Variants in LRRC2 observed in about 807,000 individuals in gnomAD.
The protein encoded by LRRC2 is leucine-rich repeat-containing protein 2.
A neutral mutation model predicts 40.2 loss-of-function variants in LRRC2; 27 were observed. The ratio of observed to expected loss-of-function variants is 0.67; its 90% confidence interval spans 0.49 to 0.93. The LOEUF (loss-of-function observed/expected upper bound fraction) is 0.93, where lower values mean the gene tolerates loss of function less well. LRRC2 is among the 40% of genes least tolerant of loss of function. LRRC2 has a pLI of 0.00. For missense variants in LRRC2, 402 were observed against 439.6 expected, an observed-to-expected ratio of 0.91 and a Z score of 0.76; for synonymous variants, 147 against 158.9, an observed-to-expected ratio of 0.92 and a Z score of 0.56.
chr3:46,564,127 G>A (rs1036442138), intron 1 of LRRC2, among the ~76,000 whole-genome samples: 9 of 152,054 alleles, frequency 5.9e-5, no homozygotes, highest in Admixed American at 3.3e-4. Context: ...AGCACAGCAC[G>A]TTCATTAGAC....
intron 7 of LRRC2, among the ~76,000 whole-genome samples, chr3:46,525,352 G>A (rs1704041026): frequency 6.6e-6 from 1 of 151,878 alleles, no homozygotes; most frequent in African/African-American, 2.4e-5. Context: ...CTGGGCTCAA[G>A]CAATCCTCCT....
At chr3:46,543,642 AT>A (rs1457950786) in intron 3 of LRRC2, among the ~76,000 whole-genome samples, 1,603 of 96,074 alleles carry the variant, frequency 0.017, 15 homozygotes, top group Middle Eastern at 0.06. Flanking sequence ...AATAATAATA[AT>A]AATAATAAAT....
chr3:46,565,904 A>T (rs1034068483), intron 1 of LRRC2, among the ~76,000 whole-genome samples: 1 of 151,934 alleles, frequency 6.6e-6, no homozygotes, highest in East Asian at 1.9e-4. Context: ...AGCAAGATTC[A>T]CTCGCGGGGA....
chr3:46,519,135 A>G, intron 8 of LRRC2, 72 bp from the exon 9 acceptor site: 1 of 1,011,360 alleles, frequency 9.9e-7, no homozygotes, highest in South Asian at 1.3e-5. Context: ...GTGCTATGAC[A>G]TACATAATGA....
chr3:46,521,792 A>C (rs1703968783), intron 7 of LRRC2, 134 bp from the exon 8 acceptor site: 1 of 765,940 alleles, frequency 1.3e-6, no homozygotes, highest in East Asian at 2.6e-5. Context: ...ACATGATATC[A>C]GCATCACCAG....
intron 5 of LRRC2, among the ~76,000 whole-genome samples, chr3:46,531,300 G>A (rs1704157122): frequency 6.6e-6 from 1 of 152,060 alleles, no homozygotes; most frequent in South Asian, 2.1e-4. Flanking sequence ...ATTGGGGGTA[G>A]TGGGTGGGGG....
rs190176548 is a variant in LRRC2, at chr3:46,521,486, A to G, written c.1066+36T>C. On this transcript the variant is annotated intron_variant, in intron 8 of 8. Transcript: ENST00000395905. ...GTATTACATAAGTGGACGTCTGTAC[A>G]CTAATTTTAAATAATTTTAAATATG... 4.5e-4 allele frequency: 674 copies of G among 1,485,666 alleles called. 3 individuals are homozygous for G. The African/African-American group carries it at 8.6e-3, about 19-fold the overall frequency. 92.0% of individuals were successfully genotyped at this position (1,485,666 alleles called of 1,614,324 possible).
chr3:46,533,775 T>TTTTCTTTCTTTCTTTCTTTGTTTC lies in LRRC2; in HGVS notation c.491-867_491-866insGAAACAAAGAAAGAAAGAAAGAAA, dbSNP rs1553612504. On this transcript the variant is annotated intron_variant, in intron 4 of 8. Coordinates refer to ENST00000395905, the MANE Select transcript of LRRC2 (RefSeq NM_024512.5). ...TTCCTTCCCTCCCTCCCTCCCTCTC[T>TTTTCTTTCTTTCTTTCTTTGTTTC]TTTCTTTCTTTCTTTCTTTCTTTGT... Among the ~76,000 whole-genome samples, 493 of 92,996 alleles carry TTTTCTTTCTTTCTTTCTTTGTTTC rather than the reference T, an allele frequency of 5.3e-3. 8 individuals carry two copies. The highest frequency in any genetic ancestry group is 0.014 in the African/African-American group (442 of 30,626). The allele number at this position is 92,996 out of a possible 152,430, so 61.0% of individuals were successfully genotyped here.
chr3:46,546,465 T>C (rs1559416888), intron 2 of LRRC2, among the ~76,000 whole-genome samples: 1 of 152,142 alleles, frequency 6.6e-6, no homozygotes, highest in East Asian at 1.9e-4. Flanking sequence ...TAAGGAGAAA[T>C]TTCAGATTTT....
At chr3:46,526,287 T>C (rs1241864047) in intron 7 of LRRC2, among the ~76,000 whole-genome samples, 1 of 152,244 alleles carries the variant, frequency 6.6e-6, no homozygotes, top group African/African-American at 2.4e-5. Context: ...TCTGACTCTC[T>C]TAGATTTCTG....
intron 1 of LRRC2, among the ~76,000 whole-genome samples, chr3:46,560,668 T>A (rs1390554120): frequency 6.6e-6 from 1 of 152,208 alleles, no homozygotes; most frequent in Non-Finnish European, 1.5e-5. Flanking sequence ...CAAGACAGCA[T>A]CTGATTCCGG....
chr3:46,560,166 C>T (rs1344170989), intron 1 of LRRC2, among the ~76,000 whole-genome samples: 1 of 152,132 alleles, frequency 6.6e-6, no homozygotes, highest in Non-Finnish European at 1.5e-5. Flanking sequence ...GGTAGTAGTT[C>T]ATGGGTGGGT....
Position 46,539,070 on chromosome 3 carries a change from T to A in LRRC2, c.465A>T (p.Gln155His). 1 of 1,613,796 alleles carries A rather than the reference T, an allele frequency of 6.2e-7. No homozygotes were observed. Among genetic ancestry groups the A allele is most frequent in the African/African-American group, 1.3e-5 (1 of 75,036 alleles). Residue 155 changes from glutamine (Q) to histidine (H), a missense_variant, in exon 4 of 9, where the codon CAA becomes CAT. Coordinates refer to ENST00000395905, the MANE Select transcript of LRRC2 (RefSeq NM_024512.5). ...CGATTTCTGCTGGAAGATGTGAGAT[T>A]TGGTTTTTTGGCAGATCCAGAATTC... ...AMRILDLPKN[Q>H]ISHLPAEIGC...
chr3:46,563,978 T>TG (rs1705004514), intron 1 of LRRC2, among the ~76,000 whole-genome samples: 4 of 152,220 alleles, frequency 2.6e-5, no homozygotes, highest in African/African-American at 9.7e-5. Context: ...GCCAGTGTAC[T>TG]TAGTTTGTAT....
chr3:46,563,852 G>A (rs1024225761), intron 1 of LRRC2, among the ~76,000 whole-genome samples: 5 of 152,146 alleles, frequency 3.3e-5, no homozygotes, highest in African/African-American at 1.2e-4. Flanking sequence ...CCTTGTCCAA[G>A]CCCCTGCAGA....
chr3:46,553,973 T>G (rs1704726709), intron 1 of LRRC2, among the ~76,000 whole-genome samples: 1 of 152,058 alleles, frequency 6.6e-6, no homozygotes, highest in South Asian at 2.1e-4. Flanking sequence ...GAGACTGCCT[T>G]TGTTTGTTGT....
At chr3:46,565,882 C>A (rs914776551) in intron 1 of LRRC2, among the ~76,000 whole-genome samples, 2 of 152,220 alleles carry the variant, frequency 1.3e-5, no homozygotes, top group African/African-American at 4.8e-5. Flanking sequence ...CGCAGGGGAA[C>A]TGCTAAGCCG....
In LRRC2 at chr3:46,522,760, A is replaced by AACACACACACACACAC. The variant is rs71098411; in HGVS notation, c.930-1118_930-1103dup. Among the ~76,000 whole-genome samples, 512 of 143,416 alleles carry AACACACACACACACAC rather than the reference A, an allele frequency of 3.6e-3. 4 individuals are homozygous for AACACACACACACACAC. Among genetic ancestry groups the AACACACACACACACAC allele is most frequent in the South Asian group, 4.7e-3 (21 of 4,478 alleles). 94.1% of individuals were successfully genotyped at this position (143,416 alleles called of 152,430 possible). A position where few individuals can be genotyped will look rare whatever the true frequency, so the allele number is the denominator to read the frequency against. ...ATTAAATAAAAGATGAACTACTGCTAACACACACACACACACACACACACA... is the reference window on the plus strand; with the variant it reads ...ATTAAATAAAAGATGAACTACTGCTAACACACACACACACACACACACACACACACACACACACACA... On this transcript the variant is annotated intron_variant, in intron 7 of 8. Transcript: ENST00000395905.
intron 3 of LRRC2, 128 bp downstream of exon 3, chr3:46,544,918 G>C: frequency 1.1e-6 from 1 of 912,938 alleles, no homozygotes; most frequent in Non-Finnish European, 1.7e-6. Context: ...ACTGCGCTGC[G>C]TTTCACTGAG....
Sources: gnomAD v4.1 joint callset for allele counts (sites outside exome capture counted in the v4.1 genomes callset) on GRCh38, gnomAD v4.1.1 for gene constraint, MANE v1.5 for transcripts, NCBI Gene and HGNC (gene_info 2026-07-23, HGNC 2026-07-21) for gene names.